The following GK5 variants were observed in gnomAD, a reference collection of about 807,000 sequenced individuals.
GK5 encodes ATP:glycerol 3-phosphotransferase 5.
A neutral mutation model predicts 77.3 loss-of-function variants in GK5; 39 were observed. The ratio of observed to expected loss-of-function variants is 0.50; its 90% CI spans 0.39 to 0.66. The LOEUF (loss-of-function observed/expected upper bound fraction) is 0.66. Ranked by LOEUF, GK5 falls within the 30% of genes least tolerant of loss-of-function variation. GK5 has a pLI of 0.00. For synonymous variants in GK5, 211 were observed against 208.0 expected, an observed-to-expected ratio of 1.01 and a Z score of -0.13; for missense variants, 487 against 633.8, an observed-to-expected ratio of 0.77 and a Z score of 2.49.
chr3:142,187,779 C>G lies in GK5; in HGVS notation c.544G>C (p.Val182Leu). ...LVWILQNLTEVQKAVEEENCC... is the reference protein window; with the variant it reads ...LVWILQNLTELQKAVEEENCC... ...TTTTCTTCTTCAACTGCCTTTTGCACCTTGAAAACACAACAGCACAAAATC... is the reference window on the plus strand; with the variant it reads ...TTTTCTTCTTCAACTGCCTTTTGCAGCTTGAAAACACAACAGCACAAAATC... The change falls in exon 6 of 16, where the codon GTG becomes CTG. Residue 182 changes from valine to leucine, a missense_variant and splice_region_variant. Val to Leu is a conservative substitution (Grantham distance 32). Around this residue, in one of 4 missense-constraint regions of GK5, gnomAD observed 323 missense variants for 437.4 expected, o/e 0.74. Coordinates refer to ENST00000392993, the MANE Select transcript of GK5 (RefSeq NM_001039547.3). The G allele has an allele frequency of 6.2e-7, 1 of 1,610,364 alleles. No homozygotes were observed. The highest frequency in any genetic ancestry group is 2.2e-5 in the East Asian group (1 of 44,796).
chr3:142,166,694 C>G (rs552500849), intron 15 of GK5, among the ~76,000 whole-genome samples: 1 of 152,134 alleles, frequency 6.6e-6, no homozygotes, highest in Non-Finnish European at 1.5e-5. Context: ...CCACCACGCC[C>G]GGCTAATTTT....
chr3:142,196,026 ATTAT>A (rs370224144), intron 5 of GK5, among the ~76,000 whole-genome samples: 1 of 152,158 alleles, frequency 6.6e-6, no homozygotes, highest in African/African-American at 2.4e-5. Context: ...ATTTATTCAG[ATTAT>A]TTATTTCTCC....
chr3:142,158,646 A>G lies in GK5; in HGVS notation c.*6976T>C, dbSNP rs1369490634. ...AGGCACAGTGGCTCACATCAGAGAA[A>G]TAAGATTATGAATTTACTGAGGCAT... On this transcript the variant is annotated 3_prime_UTR_variant, in exon 16 of 16. Transcript: ENST00000392993. The G allele has an allele frequency of 2.0e-5, 3 of 152,654 alleles. No individual in the cohort carries two copies. The highest frequency in any genetic ancestry group is 2.9e-5 in the Non-Finnish European group (2 of 68,036). The allele number at this position is 152,654 out of a possible 1,614,324, so 9.5% of individuals were successfully genotyped here. A position where few individuals can be genotyped will look rare whatever the true frequency, so the allele number is the denominator to read the frequency against.
Position 142,187,704 on chromosome 3 carries a change from C to A in GK5, c.619G>T (p.Gly207Cys). The A allele has an allele frequency of 1.2e-6, 2 of 1,602,220 alleles. No homozygotes were observed. Among genetic ancestry groups the A allele is most frequent in the South Asian group, 2.2e-5 (2 of 89,348 alleles). The change falls in exon 6 of 16, where the codon GGT becomes TGT. Residue 207 changes from glycine (G) to cysteine (C), a missense_variant and splice_region_variant. This residue lies in a region of GK5 where 323 missense variants were observed against 437.4 expected (regional missense o/e 0.74). Transcript: ENST00000392993. ...AATAGATCTTTCAGGTCATCTTTAC[C>A]TTTTGTGAGCTTATATAACAACCAG... ...DTWLLYKLTKGSVYATDFSNA... is the reference protein window; with the variant it reads ...DTWLLYKLTKCSVYATDFSNA...
chr3:142,198,145 G>A (rs2063963271), intron 5 of GK5, among the ~76,000 whole-genome samples: 1 of 151,604 alleles, frequency 6.6e-6, no homozygotes, highest in Non-Finnish European at 1.5e-5. Flanking sequence ...CTAAAAACAG[G>A]AAATAACCCA....
At position 142,165,403 on chromosome 3, in the gene GK5, T is replaced by C. The variant is rs1474613628; in HGVS notation, c.*219A>G. 2.5e-6 allele frequency: 1 copy of C among 395,962 alleles called. No homozygotes were observed. Among genetic ancestry groups the C allele is most frequent in the African/African-American group, 2.1e-5 (1 of 48,058 alleles). The allele number at this position is 395,962 out of a possible 1,614,324, so 24.5% of individuals were successfully genotyped here. ...TTGGAATTTGCTACAAAATAGAAGA[T>C]ATAAAGTTTTGAGGTATTGCTGCCT... is the stretch of plus-strand genomic sequence containing the variant. On this transcript the variant is annotated 3_prime_UTR_variant, in exon 16 of 16. Transcript: ENST00000392993.
At chr3:142,170,256 A>G (rs751031523) in intron 15 of GK5, 69 bp downstream of exon 15, 5 of 1,514,656 alleles carry the variant, frequency 3.3e-6, no homozygotes, top group Non-Finnish European at 4.6e-6. Flanking sequence ...TTGTAATTTG[A>G]GAGGAGAAAT....
chr3:142,177,857 CTT>C (rs370889965), intron 11 of GK5, among the ~76,000 whole-genome samples: 51 of 128,174 alleles, frequency 4.0e-4, no homozygotes, highest in East Asian at 1.3e-3. Context: ...CGTTTTTTTT[CTT>C]TTTTTTTTTT....
chr3:142,198,076 A>C (rs2063962247), intron 5 of GK5, among the ~76,000 whole-genome samples: 1 of 152,110 alleles, frequency 6.6e-6, no homozygotes, highest in Non-Finnish European at 1.5e-5. Flanking sequence ...TAAAAATTCC[A>C]TTCCTATGTA....
Position 142,181,534 on chromosome 3 carries a change from C to A in GK5, c.975G>T (p.Gly325=), listed in dbSNP as rs1203510894. ...TTTCAGCTAAGCATACGACTTCTTG[C>A]CCAATCTTCCACCCAATTAATGGAT... The part of the protein sequence containing the change: ...GFYPLIGWKI[G]QEVVCLAESN... The change falls in exon 11 of 16, where the codon GGG becomes GGT. Residue 325 remains glycine, a synonymous_variant. Coordinates refer to ENST00000392993, the MANE Select transcript of GK5 (RefSeq NM_001039547.3). 3 of 1,613,152 alleles carry A rather than the reference C, an allele frequency of 1.9e-6. No individual in the cohort carries two copies. The African/African-American group carries it at 4.0e-5, about 22-fold the overall frequency.
At chr3:142,186,384 T>A (rs879422038) in intron 7 of GK5, 68 bp downstream of exon 7, 9 of 1,070,100 alleles carry the variant, frequency 8.4e-6, no homozygotes, top group South Asian at 3.2e-5. Context: ...AAACTAATTT[T>A]AAAAATTTAA....
rs1342546449 is a variant in GK5, at chr3:142,159,851, C to CTTTTTTTTTTTTTTTTTTTTTT, written c.*5770_*5771insAAAAAAAAAAAAAAAAAAAAAA. On this transcript the variant is annotated 3_prime_UTR_variant, in exon 16 of 16. Coordinates refer to ENST00000392993, the MANE Select transcript of GK5 (RefSeq NM_001039547.3). ...GCTTTCTCTCTCTCTCTCTCTCTCT[C>CTTTTTTTTTTTTTTTTTTTTTT]TCTTTTTTTTTTTTGAGACAGAGTC... The CTTTTTTTTTTTTTTTTTTTTTT allele has an allele frequency of 1.5e-4, 13 of 86,972 alleles. No individual in the cohort carries two copies. The highest frequency in any genetic ancestry group is 5.9e-4 in the African/African-American group (13 of 22,108). The allele number at this position is 86,972 out of a possible 1,614,324, so 5.4% of individuals were successfully genotyped here. A position where few individuals can be genotyped will look rare whatever the true frequency, so the allele number is the denominator to read the frequency against.
At chr3:142,195,699 A>G (rs1371660804) in intron 5 of GK5, among the ~76,000 whole-genome samples, 1 of 152,148 alleles carries the variant, frequency 6.6e-6, no homozygotes, top group African/African-American at 2.4e-5. Context: ...TTGGTCTATC[A>G]GTTTCTTTTC....
At chr3:142,167,112 G>A (rs1042650828) in intron 15 of GK5, among the ~76,000 whole-genome samples, 1 of 152,160 alleles carries the variant, frequency 6.6e-6, no homozygotes, top group South Asian at 2.1e-4. Context: ...GGTGGCTCAT[G>A]CCTGTAATCC....
At chr3:142,186,117 T>C (rs370305514) in intron 8 of GK5, 77 bp downstream of exon 8, 2 of 1,194,686 alleles carry the variant, frequency 1.7e-6, no homozygotes, top group South Asian at 1.3e-5. Context: ...AAACATGTAA[T>C]AAAATGCTTT....
At chr3:142,187,395 G>A (rs1301189068) in intron 6 of GK5, among the ~76,000 whole-genome samples, 1 of 151,906 alleles carries the variant, frequency 6.6e-6, no homozygotes, top group Non-Finnish European at 1.5e-5. Flanking sequence ...CTTGAGTCCA[G>A]GAGTTCAAGA....
chr3:142,173,306 G>A, intron 12 of GK5: 1 of 342,246 alleles, frequency 2.9e-6, no homozygotes, highest in East Asian at 7.5e-5. Context: ...GAGCCAAAAT[G>A]TTGAGCTGGA....
At chr3:142,198,118 T>C (rs1327478642) in intron 5 of GK5, among the ~76,000 whole-genome samples, 1 of 150,988 alleles carries the variant, frequency 6.6e-6, no homozygotes, top group South Asian at 2.1e-4. Flanking sequence ...CACCAAGAGA[T>C]GCATTATTCA....
chr3:142,195,007 G>A (rs1417094338), intron 5 of GK5, among the ~76,000 whole-genome samples: 1 of 151,558 alleles, frequency 6.6e-6, no homozygotes, highest in East Asian at 1.9e-4. Flanking sequence ...TGTCGGCTGT[G>A]GGTTTTTCAA....
Sources: gnomAD v4.1 joint callset for allele counts (sites outside exome capture counted in the v4.1 genomes callset) on GRCh38, gnomAD v4.1.1 for gene constraint, gnomAD v4.1.1 regional missense constraint, MANE v1.5 for transcripts, NCBI Gene and HGNC (gene_info 2026-07-23, HGNC 2026-07-21) for gene names.